The following TCF4 variants were observed in gnomAD, a reference collection of about 807,000 sequenced individuals.
TCF4 encodes transcription factor 4.
A neutral mutation model predicts 82.1 loss-of-function variants in TCF4; 3 were observed. The ratio of observed to expected loss-of-function variants is 0.04; its 90% CI spans 0.02 to 0.09. The LOEUF (loss-of-function observed/expected upper bound fraction) is 0.09, where lower values mean the gene tolerates loss of function less well. Among genes scored for constraint, TCF4 ranks in the 10% least tolerant of loss-of-function variants. The pLI, the probability that TCF4 is intolerant of heterozygous loss-of-function variation, is 1.00. For missense variants in TCF4, 518 were observed against 852.7 expected (o/e 0.61, Z 4.89); for synonymous variants, 276 against 309.6 (o/e 0.89, Z 1.14).
chr18:55,621,432 A>G (rs1481894981), intron 2 of TCF4, among the ~76,000 whole-genome samples: 3 of 119,160 alleles, frequency 2.5e-5, no homozygotes, highest in African/African-American at 9.5e-5. Flanking sequence ...TATATAATAT[A>G]TAAAAATATA....
intron 11 of TCF4, among the ~76,000 whole-genome samples, chr18:55,263,933 TC>T (rs1044750824): frequency 2.0e-5 from 3 of 152,086 alleles, no homozygotes; most frequent in Non-Finnish European, 4.4e-5. Context: ...ACAGATAATA[TC>T]TGCTACAGTA....
At chr18:55,322,426 A>AG (rs2075828457) in intron 8 of TCF4, 4 of 356,956 alleles carry the variant, frequency 1.1e-5, no homozygotes, top group Non-Finnish European at 1.0e-5. Context: ...GGGAGGGAAG[A>AG]AAAAAAAAAA....
intron 5 of TCF4, among the ~76,000 whole-genome samples, chr18:55,414,151 C>T (rs530306828): frequency 3.3e-5 from 5 of 152,232 alleles, no homozygotes; most frequent in Admixed American, 1.3e-4. Context: ...AGATGACATT[C>T]TAACAGAGGT....
chr18:55,255,160 G>C (rs1370997415), intron 14 of TCF4, among the ~76,000 whole-genome samples: 1 of 152,094 alleles, frequency 6.6e-6, no homozygotes, highest in Admixed American at 6.6e-5. Context: ...TGTGGTATAT[G>C]ACCCAGTGCT....
At chr18:55,402,141 T>C in intron 6 of TCF4, 1 of 985,478 alleles carries the variant, frequency 1.0e-6, no homozygotes, top group Non-Finnish European at 1.2e-6. Context: ...TGAACTGCAC[T>C]CCGGCAGGAG....
At position 55,406,126 on chromosome 18, in the gene TCF4, CTTTTT is replaced by C. The variant is rs34522468; in HGVS notation, c.305-2613_305-2609del. 1.5e-3 allele frequency among the ~76,000 whole-genome samples: 175 copies of C among 116,064 alleles called. 1 individual carries two copies. Among genetic ancestry groups the C allele is most frequent in the African/African-American group, 5.2e-3 (161 of 31,012 alleles). The allele number at this position is 116,064 out of a possible 152,430, so 76.1% of individuals were successfully genotyped here. On this transcript the variant is annotated intron_variant, in intron 5 of 19. Coordinates refer to ENST00000354452, the MANE Select transcript of TCF4 (RefSeq NM_001083962.2). ...AGCCAGCAGGAGGCTGGGAGGTGGA[CTTTTT>C]TTTTTTTTTTTTTTTTTTAAGGATT...
At chr18:55,262,273 C>T (rs1380352429) in intron 11 of TCF4, among the ~76,000 whole-genome samples, 1 of 152,098 alleles carries the variant, frequency 6.6e-6, no homozygotes, top group Non-Finnish European at 1.5e-5. Flanking sequence ...TAATAAAAGA[C>T]ATATATTACA....
chr18:55,325,000 A>C (rs929670042), intron 8 of TCF4, among the ~76,000 whole-genome samples: 1 of 152,234 alleles, frequency 6.6e-6, no homozygotes, highest in African/African-American at 2.4e-5. Context: ...CAGAACTGAC[A>C]ACACACACAT....
intron 8 of TCF4, among the ~76,000 whole-genome samples, chr18:55,313,488 C>T (rs867088513): frequency 1.7e-4 from 26 of 152,210 alleles, no homozygotes; most frequent in Middle Eastern, 6.8e-3. Flanking sequence ...TCTCCCTTCC[C>T]CTTCAATCCA....
rs1293820192 is a variant in TCF4, at chr18:55,403,478, T to C, written c.345A>G (p.Glu115=). Residue 115 remains glutamate, a synonymous_variant, in exon 6 of 20, where the codon GAA becomes GAG. Transcript: ENST00000354452. ...CCTGGTGGCAACCCTGTAAGTTTGATTCTCTCCCATAAGATGAGTATGAGC... is the reference window on the plus strand; with the variant it reads ...CCTGGTGGCAACCCTGTAAGTTTGACTCTCTCCCATAAGATGAGTATGAGC... ...ERGSYSSYGR[E]SNLQGCHQQS... 2 of 1,613,884 alleles carry C rather than the reference T, an allele frequency of 1.2e-6. No individual in the cohort carries two copies. The highest frequency in any genetic ancestry group is 1.7e-6 in the Non-Finnish European group (2 of 1,179,810).
intron 3 of TCF4, among the ~76,000 whole-genome samples, chr18:55,502,139 T>G (rs2096708978): frequency 6.6e-6 from 1 of 152,210 alleles, no homozygotes; most frequent in South Asian, 2.1e-4. Context: ...CTTTCTAACC[T>G]GGAATTTCCA....
intron 15 of TCF4, among the ~76,000 whole-genome samples, chr18:55,246,232 C>CGCGTGTGT (rs1555743719): frequency 1.4e-5 from 2 of 147,656 alleles, no homozygotes; most frequent in Admixed American, 1.4e-4. Context: ...TTTAAATACA[C>CGCGTGTGT]GTGTGTGTGT....
At chr18:55,299,185 C>T (rs752099443) in intron 8 of TCF4, among the ~76,000 whole-genome samples, 4 of 151,856 alleles carry the variant, frequency 2.6e-5, no homozygotes, top group Admixed American at 6.6e-5. Flanking sequence ...CCGAGGTGGG[C>T]GGATCACTTG....
chr18:55,586,192 CAGCAGCAG>C lies in TCF4; in HGVS notation c.72+845_73-841del. 6.5e-6 allele frequency: 4 copies of C among 611,410 alleles called. 1 individual carries two copies. Among genetic ancestry groups the C allele is most frequent in the Admixed American group, 1.5e-4 (2 of 13,536 alleles). The allele number at this position is 611,410 out of a possible 1,614,324, so 37.9% of individuals were successfully genotyped here. On this transcript the variant is annotated intron_variant, in intron 2 of 19. Transcript: ENST00000354452. ...GCAGCAGCAGCAGCAGCAGCAGCAG[CAGCAGCAG>C]CAGCAGCAGCAGCAGCAGCAGCAGC... is the stretch of plus-strand genomic sequence containing the variant.
chr18:55,533,879 A>C (rs1438179420), intron 3 of TCF4, among the ~76,000 whole-genome samples: 1 of 152,148 alleles, frequency 6.6e-6, no homozygotes, highest in Non-Finnish European at 1.5e-5. Context: ...TTCTTTTAAG[A>C]AAATACTTAC....
At chr18:55,312,997 A>G (rs182415078) in intron 8 of TCF4, among the ~76,000 whole-genome samples, 35 of 152,312 alleles carry the variant, frequency 2.3e-4, no homozygotes, top group Admixed American at 2.0e-3. Flanking sequence ...AATGTAAGAA[A>G]GTGGAAATGT....
chr18:55,586,136 A>C, intron 2 of TCF4: 1 of 1,344,460 alleles, frequency 7.4e-7, no homozygotes, highest in South Asian at 1.3e-5. Context: ...GAGGAGGAGA[A>C]GGAGGAGGAG....
intron 6 of TCF4, among the ~76,000 whole-genome samples, chr18:55,360,926 C>A (rs1464386161): frequency 1.3e-5 from 2 of 151,946 alleles, no homozygotes; most frequent in Admixed American, 1.3e-4. Flanking sequence ...AGGGTTTCAC[C>A]ATGTTGGCCA....
intron 8 of TCF4, 52 bp downstream of exon 8, chr18:55,350,307 A>G: frequency 6.3e-7 from 1 of 1,575,784 alleles, no homozygotes; most frequent in Non-Finnish European, 8.7e-7. Flanking sequence ...TCCCATCAAT[A>G]CAAAACAGAA....
Sources: allele counts gnomAD v4.1 joint callset (sites outside exome capture counted in the v4.1 genomes callset), GRCh38; gene constraint gnomAD v4.1.1; transcripts MANE v1.5; gene names NCBI Gene and HGNC (gene_info 2026-07-23, HGNC 2026-07-21).